CAMSAP2: variants seen among roughly 807,000 people sequenced by gnomAD.
CAMSAP2 encodes calmodulin regulated spectrin associated protein family member 2.
A neutral mutation model predicts 146.1 loss-of-function variants in CAMSAP2; 26 were observed. That is an observed-to-expected ratio of 0.18 (90% CI 0.13 to 0.25). CAMSAP2 has a LOEUF of 0.25. CAMSAP2 is among the 10% of genes least tolerant of loss of function. CAMSAP2 has a pLI of 1.00. For synonymous variants in CAMSAP2, 499 were observed against 596.6 expected, an observed-to-expected ratio of 0.84 and a Z score of 2.38; for missense variants, 1,381 against 1,759.3, an observed-to-expected ratio of 0.78 and a Z score of 3.85.
chr1:200,769,126 T>G (rs1330838662), intron 2 of CAMSAP2, among the ~76,000 whole-genome samples: 3 of 152,208 alleles, frequency 2.0e-5, no homozygotes, highest in Non-Finnish European at 4.4e-5. Context: ...CTCCTTGGTT[T>G]TCACTCTGTT....
At chr1:200,759,629 A>G (rs1664745393) in intron 1 of CAMSAP2, among the ~76,000 whole-genome samples, 1 of 152,164 alleles carries the variant, frequency 6.6e-6, no homozygotes. Context: ...TATTGAGCTT[A>G]TATTAAAGCT....
intron 4 of CAMSAP2, among the ~76,000 whole-genome samples, chr1:200,831,357 C>T (rs1036608979): frequency 6.6e-5 from 10 of 152,224 alleles, no homozygotes; most frequent in African/African-American, 1.9e-4. Flanking sequence ...ACTATTATTA[C>T]GCCAGTTTAC....
intron 2 of CAMSAP2, 33 bp from the exon 3 acceptor site, chr1:200,807,343 T>C (rs777618456): frequency 7.1e-7 from 1 of 1,415,296 alleles, no homozygotes; most frequent in South Asian, 1.8e-5. Context: ...AAATATAATT[T>C]TTAAACTATT....
chr1:200,822,080 T>C (rs1666778877), intron 4 of CAMSAP2, among the ~76,000 whole-genome samples: 1 of 151,926 alleles, frequency 6.6e-6, no homozygotes, highest in South Asian at 2.1e-4. Context: ...GATTCATCAG[T>C]TTTTCAAACT....
intron 2 of CAMSAP2, among the ~76,000 whole-genome samples, chr1:200,767,477 C>CTTTTTTT (rs11298176): frequency 1.4e-3 from 190 of 138,098 alleles, no homozygotes; most frequent in African/African-American, 5.1e-3. Flanking sequence ...TGTTGTCCCT[C>CTTTTTTT]TTTTTTTTTT....
At chr1:200,828,515 TG>T (rs1666960217) in intron 4 of CAMSAP2, 5 of 1,495,130 alleles carry the variant, frequency 3.3e-6, no homozygotes, top group South Asian at 1.2e-5. Context: ...AAGATAATTC[TG>T]ATGAATTTTC....
chr1:200,771,631 C>T (rs1571737060), intron 2 of CAMSAP2, among the ~76,000 whole-genome samples: 1 of 152,240 alleles, frequency 6.6e-6, no homozygotes, highest in South Asian at 2.1e-4. Flanking sequence ...GTCTATGCCT[C>T]TCACTTTGCT....
At chr1:200,759,125 T>C (rs1217858829) in intron 1 of CAMSAP2, among the ~76,000 whole-genome samples, 2 of 152,138 alleles carry the variant, frequency 1.3e-5, no homozygotes, top group Non-Finnish European at 2.9e-5. Context: ...GCTTTGCCTC[T>C]TACTGCTTTC....
chr1:200,801,827 A>G (rs146669214), intron 2 of CAMSAP2, among the ~76,000 whole-genome samples: 449 of 152,280 alleles, frequency 2.9e-3, no homozygotes, highest in Admixed American at 7.6e-3. Flanking sequence ...TGTAGGTGGT[A>G]TCCTTGTTTT....
chr1:200,800,475 T>G (rs1347836556), intron 2 of CAMSAP2, among the ~76,000 whole-genome samples: 2 of 152,186 alleles, frequency 1.3e-5, no homozygotes, highest in Non-Finnish European at 2.9e-5. Flanking sequence ...TATCAGAGAC[T>G]AGGATTGCAA....
At chr1:200,780,820 T>TA (rs1171863683) in intron 2 of CAMSAP2, among the ~76,000 whole-genome samples, 1 of 152,230 alleles carries the variant, frequency 6.6e-6, no homozygotes, top group Non-Finnish European at 1.5e-5. Flanking sequence ...TTGTAGTTTA[T>TA]AAAAACCTGG....
chr1:200,797,423 G>A (rs1190683589), intron 2 of CAMSAP2, among the ~76,000 whole-genome samples: 4 of 151,046 alleles, frequency 2.6e-5, no homozygotes, highest in East Asian at 1.9e-4. Context: ...GATGGCCAGC[G>A]ATGGTGAGCA....
chr1:200,824,275 C>G (rs1666849499), intron 4 of CAMSAP2, among the ~76,000 whole-genome samples: 1 of 150,376 alleles, frequency 6.6e-6, no homozygotes, highest in African/African-American at 2.4e-5. Flanking sequence ...ATTTCTAGCT[C>G]AACAAGATGT....
In CAMSAP2 at chr1:200,856,156, T is replaced by C. The variant is rs763569893; in HGVS notation, c.4012+31T>C. On this transcript the variant is annotated intron_variant, in intron 15 of 16. Coordinates refer to ENST00000358823, the MANE Select transcript of CAMSAP2 (RefSeq NM_203459.4). ...TGTCTATACATTTTTAGAGAAACAT[T>C]TGAATTTAACACACTCATAAATGGA... 11 of 1,498,582 alleles carry C rather than the reference T, an allele frequency of 7.3e-6. No homozygotes were observed. In the South Asian group the frequency reaches 1.0e-4, roughly 14 times the overall value. 92.8% of individuals were successfully genotyped at this position (1,498,582 alleles called of 1,614,324 possible).
intron 4 of CAMSAP2, among the ~76,000 whole-genome samples, chr1:200,817,183 C>CATATAAGTGTGTGTGTAT (rs1370112352): frequency 7.5e-5 from 5 of 66,320 alleles, no homozygotes; most frequent in Non-Finnish European, 1.1e-4. Context: ...TATATACACA[C>CATATAAGTGTGTGTGTAT]ACACACATGT....
chr1:200,860,258 T>G lies in CAMSAP2; in HGVS notation c.*2199T>G, dbSNP rs1667847958. On this transcript the variant is annotated 3_prime_UTR_variant, in exon 17 of 17. Transcript: ENST00000358823. ...AATTATGTTTTTAAAATTATACAGTTGAAAAATATGCCATTTCATAAAGTC... is the reference window on the plus strand; with the variant it reads ...AATTATGTTTTTAAAATTATACAGTGGAAAAATATGCCATTTCATAAAGTC... The G allele has an allele frequency of 6.5e-6, 1 of 152,744 alleles. No individual in the cohort carries two copies. Among genetic ancestry groups the G allele is most frequent in the Non-Finnish European group, 1.5e-5 (1 of 68,010 alleles). The allele number at this position is 152,744 out of a possible 1,614,324, so 9.5% of individuals were successfully genotyped here. A position where few individuals can be genotyped will look rare whatever the true frequency, so the allele number is the denominator to read the frequency against.
At chr1:200,813,387 G>T (rs755513334) in intron 3 of CAMSAP2, among the ~76,000 whole-genome samples, 2 of 152,226 alleles carry the variant, frequency 1.3e-5, no homozygotes, top group Admixed American at 6.5e-5. Context: ...CGAAGGCCTT[G>T]TCTGATATAA....
rs1445868611 is a variant in CAMSAP2, at chr1:200,857,464, A to G, written c.4131+40A>G. On this transcript the variant is annotated intron_variant, in intron 16 of 16. Coordinates refer to ENST00000358823, the MANE Select transcript of CAMSAP2 (RefSeq NM_203459.4). This position sits in a 1 kb window ranked among gnomAD's most constrained non-coding sequence, Gnocchi z 4.7. ...ATGAAAATTAAATTTGGCAAACTGT[A>G]GAAGTCTTTTATCCATTCAAGAGAA... 5 of 1,374,116 alleles carry G rather than the reference A, an allele frequency of 3.6e-6. No homozygotes were observed. The Admixed American group carries it at 8.4e-5, about 23-fold the overall frequency. 85.1% of individuals were successfully genotyped at this position (1,374,116 alleles called of 1,614,324 possible). A position where few individuals can be genotyped will look rare whatever the true frequency, so the allele number is the denominator to read the frequency against.
At chr1:200,780,304 A>T (rs1445279229) in intron 2 of CAMSAP2, among the ~76,000 whole-genome samples, 5 of 152,222 alleles carry the variant, frequency 3.3e-5, no homozygotes, top group Non-Finnish European at 7.3e-5. Flanking sequence ...TGAAAAGCTG[A>T]TGCTGGTAAG....
Sources: gnomAD v4.1 joint callset for allele counts (sites outside exome capture counted in the v4.1 genomes callset) on GRCh38, gnomAD v4.1.1 for gene constraint, Gnocchi (gnomAD v3.1) non-coding constraint, MANE v1.5 for transcripts, NCBI Gene and HGNC (gene_info 2026-07-23, HGNC 2026-07-21) for gene names.